LPAR4: variants seen among roughly 807,000 people sequenced by gnomAD.
LPAR4 encodes G-protein coupled receptor 23.
LPAR4 carries 14 observed loss-of-function variants against 9.2 expected under a neutral mutation model. That is an observed-to-expected ratio of 1.51 (90% CI 1.00 to 2.37). The LOEUF is 2.37. Ranked by LOEUF, LPAR4 falls within the 30% of genes most tolerant of loss-of-function variation. The probability of loss-of-function intolerance (pLI) is 0.00; values close to 1 mark genes in which losing one functional copy is unlikely to be tolerated. For synonymous variants in LPAR4, 131 were observed against 97.9 expected, an observed-to-expected ratio of 1.34 and a Z score of -1.99; for missense variants, 251 against 272.1, an observed-to-expected ratio of 0.92 and a Z score of 0.55.
chrX:78,753,366 G>A (rs758362165), intron 4 of LPAR4, among the ~76,000 whole-genome samples: 25 of 111,658 alleles, frequency 2.2e-4, no homozygotes, highest in Admixed American at 2.2e-3. Context: ...TTCTTCTTCA[G>A]AATCATCTCA....
At chrX:78,749,709 T>C (rs1924973776) in intron 1 of LPAR4, among the ~76,000 whole-genome samples, 1 of 112,147 alleles carries the variant, frequency 8.9e-6, no homozygotes, top group Non-Finnish European at 1.9e-5. Flanking sequence ...TTATTTCTAA[T>C]ATTCAAATAA....
chrX:78,751,413 A>G (rs1190809961), intron 4 of LPAR4, 102 bp downstream of exon 4: 1 of 111,838 alleles, frequency 8.9e-6, no homozygotes, highest in Non-Finnish European at 1.9e-5. Flanking sequence ...TTTTGTTGTA[A>G]CAAATAGTTC....
intron 4 of LPAR4, among the ~76,000 whole-genome samples, chrX:78,751,970 TTAA>T (rs1170325122): frequency 9.0e-6 from 1 of 110,639 alleles, no homozygotes; most frequent in Non-Finnish European, 1.9e-5. Flanking sequence ...AAGTGAAGTG[TTAA>T]TAAGAGACTG....
chrX:78,755,482 A>G lies in LPAR4; in HGVS notation c.613A>G (p.Thr205Ala), dbSNP rs749381146. 3 of 1,208,311 alleles carry G rather than the reference A, an allele frequency of 2.5e-6. No individual in the cohort carries two copies. In the Admixed American group the frequency reaches 6.6e-5, roughly 26 times the overall value. ...RVWKTYLSKI[T>A]IFIEVVGFII... ...CTGGAAGACTTATTTATCCAAGATC[A>G]CAATATTTATTGAAGTTGTTGGGTT... Residue 205 changes from threonine (T) to alanine (A), a missense_variant, in exon 5 of 5, where the codon ACA (threonine) becomes GCA (alanine). By Grantham distance (58) the Thr-to-Ala change is moderately conservative. Coordinates refer to ENST00000614823, the MANE Select transcript of LPAR4 (RefSeq NM_001278000.3).
In LPAR4 at chrX:78,747,831, G is replaced by A. The variant is rs754790016; in HGVS notation, c.-498G>A. 3.5e-4 allele frequency: 36 copies of A among 101,707 alleles called. No homozygotes were observed. In the Admixed American group the frequency reaches 3.7e-3, roughly 10 times the overall value. The allele number at this position is 101,707 out of a possible 1,213,427, so 8.4% of individuals were successfully genotyped here. On this transcript the variant is annotated 5_prime_UTR_variant, in exon 1 of 5. Transcript: ENST00000614823. ...TAAGCTCACATTTACAGAATGAGCG[G>A]TTTGCAGTAAAAAGCTGCGGCAGCC...
At chrX:78,752,936 A>T (rs1439563244) in intron 4 of LPAR4, among the ~76,000 whole-genome samples, 1 of 111,712 alleles carries the variant, frequency 9.0e-6, no homozygotes, top group Non-Finnish European at 1.9e-5. Context: ...ATCATTAGAA[A>T]TTTTTTAAAA....
intron 1 of LPAR4, among the ~76,000 whole-genome samples, chrX:78,748,623 A>C (rs1033326641): frequency 1.2e-4 from 13 of 112,111 alleles, no homozygotes; most frequent in African/African-American, 4.2e-4. Context: ...CTTCTTGTAA[A>C]TTTTAAATAT....
chrX:78,749,074 A>T (rs1310957500), intron 1 of LPAR4: 1 of 111,662 alleles, frequency 9.0e-6, no homozygotes, highest in Non-Finnish European at 1.9e-5. Flanking sequence ...GCCTTATTGG[A>T]ACAATCAGGC....
At chrX:78,754,091 G>C (rs1054132896) in intron 4 of LPAR4, among the ~76,000 whole-genome samples, 2 of 111,758 alleles carry the variant, frequency 1.8e-5, no homozygotes, top group African/African-American at 6.5e-5. Flanking sequence ...GGATGGATGT[G>C]TTAATTAGCT....
In LPAR4 at chrX:78,757,228, T is replaced by C. The variant is rs1053326252; in HGVS notation, c.*1246T>C. 2 of 116,228 alleles carry C rather than the reference T, an allele frequency of 1.7e-5. No individual in the cohort carries two copies. Among genetic ancestry groups the C allele is most frequent in the African/African-American group, 6.5e-5 (2 of 30,944 alleles). The allele number at this position is 116,228 out of a possible 1,213,427, so 9.6% of individuals were successfully genotyped here. A position where few individuals can be genotyped will look rare whatever the true frequency, so the allele number is the denominator to read the frequency against. On this transcript the variant is annotated 3_prime_UTR_variant, in exon 5 of 5. Transcript: ENST00000614823. ...GTTCTGTAAATGTAAAAATACTATG[T>C]CATTTGCATAACATTTTGAAGCACA...
intron 4 of LPAR4, among the ~76,000 whole-genome samples, chrX:78,751,544 C>T (rs1055633842): frequency 4.5e-5 from 5 of 111,049 alleles, no homozygotes; most frequent in Non-Finnish European, 9.5e-5. Context: ...CCCTCTCTGC[C>T]ACTGGGATTT....
chrX:78,749,680 C>T (rs752440261), intron 1 of LPAR4, among the ~76,000 whole-genome samples: 2 of 111,342 alleles, frequency 1.8e-5, no homozygotes, highest in South Asian at 3.8e-4. Flanking sequence ...TCTTAGCTTC[C>T]GGTATTAATT....
chrX:78,752,338 C>T (rs1285336596), intron 4 of LPAR4, among the ~76,000 whole-genome samples: 1 of 111,636 alleles, frequency 9.0e-6, no homozygotes, highest in Non-Finnish European at 1.9e-5. Flanking sequence ...TGATATAAAA[C>T]CTGTATGAGT....
intron 4 of LPAR4, among the ~76,000 whole-genome samples, chrX:78,751,884 A>G (rs1353626530): frequency 9.0e-6 from 1 of 111,333 alleles, no homozygotes; most frequent in Non-Finnish European, 1.9e-5. Flanking sequence ...CTACTTTAGT[A>G]GGGCTGATGC....
intron 4 of LPAR4, among the ~76,000 whole-genome samples, chrX:78,754,387 A>C (rs1373712038): frequency 9.0e-6 from 1 of 111,574 alleles, no homozygotes; most frequent in African/African-American, 3.2e-5. Context: ...TTCCATTATA[A>C]AAGCATTTTC....
rs1372362977 is a variant in LPAR4 at position 78,757,464 on chromosome X, A to T, written c.*1482A>T. On this transcript the variant is annotated 3_prime_UTR_variant, in exon 5 of 5. Transcript: ENST00000614823. Reference sequence around the variant, plus strand: ...GCAACTAAGAAGCTGCTAAAATGGCACCCAGTTTAAAAGGAATTAAAAACA... The same window carrying T: ...GCAACTAAGAAGCTGCTAAAATGGCTCCCAGTTTAAAAGGAATTAAAAACA... Among the ~76,000 whole-genome samples, 1 of 112,073 alleles carries T rather than the reference A, an allele frequency of 8.9e-6. No homozygotes were observed. The highest frequency in any genetic ancestry group is 1.9e-5 in the Non-Finnish European group (1 of 53,083).
rs1362691370 is a variant in LPAR4 at position 78,758,099 on chromosome X, A to G, written c.*2117A>G. On this transcript the variant is annotated 3_prime_UTR_variant, in exon 5 of 5. Coordinates refer to ENST00000614823, the MANE Select transcript of LPAR4 (RefSeq NM_001278000.3). ...AACAAAGTGAAAAAATGCTAAAACA[A>G]TAGTAAAAACAAATTCTTAAAACTG... 8.9e-6 allele frequency among the ~76,000 whole-genome samples: 1 copy of G among 112,046 alleles called. No homozygotes were observed.
chrX:78,752,027 A>G (rs1323964746), intron 4 of LPAR4, among the ~76,000 whole-genome samples: 1 of 110,949 alleles, frequency 9.0e-6, no homozygotes, highest in Admixed American at 9.6e-5. Flanking sequence ...AAAAATATCA[A>G]GTTAATCACT....
rs1473891717 is a variant in LPAR4 at position 78,747,872 on chromosome X, T to C, written c.-457T>C. On this transcript the variant is annotated 5_prime_UTR_variant, in exon 1 of 5. Transcript: ENST00000614823. ...TGCGGCAGCCCAGAGTCTGCTACTT[T>C]AGGCTGGGCTAACCTTTCCCTGTAA... is the stretch of plus-strand genomic sequence containing the variant. The C allele has an allele frequency of 1.1e-5, 1 of 94,040 alleles. No individual in the cohort carries two copies. Among genetic ancestry groups the C allele is most frequent in the Non-Finnish European group, 2.1e-5 (1 of 48,498 alleles). 7.7% of individuals were successfully genotyped at this position (94,040 alleles called of 1,213,427 possible).
Sources: gnomAD v4.1 joint callset for allele counts (sites outside exome capture counted in the v4.1 genomes callset) on GRCh38, gnomAD v4.1.1 for gene constraint, MANE v1.5 for transcripts, NCBI Gene and HGNC (gene_info 2026-07-23, HGNC 2026-07-21) for gene names.